GREB1L: variants seen among roughly 807,000 people sequenced by gnomAD.
GREB1L encodes GREB1 like retinoic acid receptor coactivator.
GREB1L carries 17 observed loss-of-function variants against 200.8 expected under a neutral mutation model. That is an observed-to-expected ratio of 0.08 (90% CI 0.06 to 0.13). GREB1L has a LOEUF of 0.13. GREB1L is among the 10% of genes least tolerant of loss of function. The pLI is 1.00. For missense variants in GREB1L, 1,657 were observed against 2,367.7 expected (o/e 0.70, Z 6.23); for synonymous variants, 789 against 893.0 (o/e 0.88, Z 2.08).
intron 11 of GREB1L, among the ~76,000 whole-genome samples, chr18:21,446,306 A>G (rs565576802): frequency 1.4e-4 from 22 of 152,380 alleles, no homozygotes; most frequent in Non-Finnish European, 3.1e-4. Context: ...TACAGGCATG[A>G]GTCACCACGC....
intron 1 of GREB1L, among the ~76,000 whole-genome samples, chr18:21,306,448 C>T (rs1374275827): frequency 6.6e-6 from 1 of 152,136 alleles, no homozygotes; most frequent in Non-Finnish European, 1.5e-5. Context: ...TCTTGTAATG[C>T]CTGTGTATAT....
At chr18:21,485,045 A>G (rs1227983524) in intron 17 of GREB1L, among the ~76,000 whole-genome samples, 3 of 152,334 alleles carry the variant, frequency 2.0e-5, no homozygotes, top group Non-Finnish European at 4.4e-5. Flanking sequence ...CTTATGTCAC[A>G]TCCTAAAATA....
At chr18:21,391,850 C>T (rs2040822354) in intron 4 of GREB1L, among the ~76,000 whole-genome samples, 1 of 152,152 alleles carries the variant, frequency 6.6e-6, no homozygotes, top group African/African-American at 2.4e-5. Flanking sequence ...ACTCTTGTTG[C>T]CCAGGCTGGA....
chr18:21,499,630 C>T lies in GREB1L; in HGVS notation c.3392-99C>T, dbSNP rs147654641. On this transcript the variant is annotated intron_variant, in intron 21 of 32. Coordinates refer to ENST00000424526, the MANE Select transcript of GREB1L (RefSeq NM_001142966.3). ...TGCTCAGGGTCTGCAGCCGCGGAGC[C>T]GAGCCCAGTGTCCACTGCTTTCCTG... 2.7e-5 allele frequency: 22 copies of T among 803,874 alleles called. No homozygotes were observed. The East Asian group carries it at 2.9e-4, about 11-fold the overall frequency. The allele number at this position is 803,874 out of a possible 1,614,324, so 49.8% of individuals were successfully genotyped here.
At chr18:21,306,660 A>G (rs1598645673) in intron 1 of GREB1L, among the ~76,000 whole-genome samples, 1 of 152,224 alleles carries the variant, frequency 6.6e-6, no homozygotes, top group African/African-American at 2.4e-5. Context: ...CAAATTGCAG[A>G]CTCAGTGTGG....
intron 6 of GREB1L, chr18:21,402,042 G>T (rs2041338875): frequency 6.6e-6 from 1 of 152,018 alleles, no homozygotes; most frequent in Non-Finnish European, 1.5e-5. Flanking sequence ...CTGCAGATTT[G>T]TTTCTGAGTC....
chr18:21,280,599 T>C (rs1015739568), intron 1 of GREB1L, among the ~76,000 whole-genome samples: 3 of 152,234 alleles, frequency 2.0e-5, no homozygotes, highest in African/African-American at 7.2e-5. Flanking sequence ...TGTTATTGTT[T>C]AATACATATA....
Position 21,384,373 on chromosome 18 carries a change from C to T in GREB1L, c.325C>T (p.Pro109Ser), listed in dbSNP as rs1332448851. ...NSPPIPYSQKPAPEGSCTTDG... is the reference protein window; with the variant it reads ...NSPPIPYSQKSAPEGSCTTDG... ...CCCACCAATTCCCTATTCACAAAAA[C>T]CTGCCCCAGAAGGATCTTGCACTAC... The change falls in exon 4 of 33, where the codon CCT (proline) becomes TCT (serine). Residue 109 changes from proline to serine, a missense_variant. Physicochemically the swap from Pro to Ser is moderately conservative, Grantham distance 74. Around this residue, in one of 9 missense-constraint regions of GREB1L, gnomAD observed 70 missense variants for 151.3 expected, o/e 0.46. Coordinates refer to ENST00000424526, the MANE Select transcript of GREB1L (RefSeq NM_001142966.3). 3.9e-6 allele frequency: 6 copies of T among 1,551,552 alleles called. No individual in the cohort carries two copies. The highest frequency in any genetic ancestry group is 5.2e-6 in the Non-Finnish European group (6 of 1,146,966).
chr18:21,472,739 T>C lies in GREB1L; in HGVS notation c.2183-292T>C, dbSNP rs111794101. Among the ~76,000 whole-genome samples the C allele has an allele frequency of 1.4e-4, 22 of 152,342 alleles. 1 individual carries two copies. Among genetic ancestry groups the C allele is most frequent in the African/African-American group, 4.8e-4 (20 of 41,588 alleles). ...AGCAGCATGTTATATACAAATAGAA[T>C]TTAATGAAGCAAAGGTCTCATACAC... is the stretch of plus-strand genomic sequence containing the variant. On this transcript the variant is annotated intron_variant, in intron 15 of 32. Transcript: ENST00000424526.
At chr18:21,344,294 G>C (rs1406452969) in intron 1 of GREB1L, among the ~76,000 whole-genome samples, 1 of 152,116 alleles carries the variant, frequency 6.6e-6, no homozygotes, top group Admixed American at 6.5e-5. Flanking sequence ...CCAGCTATTC[G>C]TGAGGCTGAG....
At chr18:21,381,547 C>G (rs2143998705) in intron 2 of GREB1L, among the ~76,000 whole-genome samples, 1 of 152,164 alleles carries the variant, frequency 6.6e-6, no homozygotes, top group South Asian at 2.1e-4. Context: ...ACATAGATAG[C>G]ATATTTTATG....
intron 7 of GREB1L, among the ~76,000 whole-genome samples, chr18:21,407,912 A>T (rs1340017896): frequency 1.3e-5 from 2 of 152,152 alleles, no homozygotes; most frequent in Non-Finnish European, 2.9e-5. Flanking sequence ...GGGAGCTAAA[A>T]ACAGTTGATT....
intron 27 of GREB1L, among the ~76,000 whole-genome samples, chr18:21,510,010 C>A (rs1288940224): frequency 6.6e-6 from 1 of 151,778 alleles, no homozygotes; most frequent in Non-Finnish European, 1.5e-5. Flanking sequence ...AGTTTTGAGA[C>A]CAGCCTGGCC....
intron 1 of GREB1L, among the ~76,000 whole-genome samples, chr18:21,288,983 G>A (rs1450781307): frequency 3.3e-5 from 5 of 151,970 alleles, no homozygotes; most frequent in East Asian, 3.9e-4. Context: ...TGATCCACTC[G>A]CCTCGGCCTC....
intron 7 of GREB1L, among the ~76,000 whole-genome samples, chr18:21,407,827 G>T (rs2030453584): frequency 6.6e-6 from 1 of 152,136 alleles, no homozygotes; most frequent in Non-Finnish European, 1.5e-5. Context: ...AACATGGATG[G>T]AACCAGAGGT....
At chr18:21,270,568 G>A (rs1316376621) in intron 1 of GREB1L, among the ~76,000 whole-genome samples, 1 of 152,222 alleles carries the variant, frequency 6.6e-6, no homozygotes, top group Admixed American at 6.5e-5. Context: ...CACTCTTCGA[G>A]TGTCCTCTCT....
intron 10 of GREB1L, among the ~76,000 whole-genome samples, chr18:21,442,502 C>CAAGGA (rs2033953146): frequency 6.6e-6 from 1 of 152,168 alleles, no homozygotes. Context: ...AACATAGTGC[C>CAAGGA]ACTAAGCTTT....
chr18:21,447,309 A>T (rs527497140), intron 11 of GREB1L, among the ~76,000 whole-genome samples: 80 of 151,934 alleles, frequency 5.3e-4, no homozygotes, highest in Middle Eastern at 3.4e-3. Flanking sequence ...TAAAAAAAAA[A>T]TTTTTTTAAA....
At position 21,517,381 on chromosome 18, in the gene GREB1L, CAG is replaced by C. The variant is rs530612825; in HGVS notation, c.5271+630_5271+631del. Among the ~76,000 whole-genome samples, 8 of 151,968 alleles carry C rather than the reference CAG, an allele frequency of 5.3e-5. No individual in the cohort carries two copies. The South Asian group carries it at 1.7e-3, about 32-fold the overall frequency. Reference sequence around the variant, plus strand: ...ACATTTTTACCTTCTTTTTTTGAGACAGAGTCTCGCTCTGTTGCCCAGGCTGG... The same window carrying C: ...ACATTTTTACCTTCTTTTTTTGAGACAGTCTCGCTCTGTTGCCCAGGCTGG... On this transcript the variant is annotated intron_variant, in intron 30 of 32. Transcript: ENST00000424526.
Sources: allele counts gnomAD v4.1 joint callset (sites outside exome capture counted in the v4.1 genomes callset), GRCh38; gene constraint gnomAD v4.1.1; regional missense constraint gnomAD v4.1.1; transcripts MANE v1.5; gene names NCBI Gene and HGNC (gene_info 2026-07-23, HGNC 2026-07-21).